Variants in NKAIN2 observed in about 807,000 individuals in gnomAD.
The protein encoded by NKAIN2 is sodium/potassium-transporting ATPase subunit beta-1-interacting protein 2.
Under a neutral mutation model 32.6 loss-of-function variants are expected in NKAIN2, and 14 were observed. The observed-to-expected ratio is 0.43, with a 90% confidence interval of 0.28 to 0.67. The LOEUF (loss-of-function observed/expected upper bound fraction) is 0.67, where lower values mean the gene tolerates loss of function less well. Ranked by LOEUF, NKAIN2 falls within the 30% of genes least tolerant of loss-of-function variation. The probability of loss-of-function intolerance (pLI) is 0.17; values close to 1 mark genes in which losing one functional copy is unlikely to be tolerated. For missense variants in NKAIN2, 198 were observed against 258.3 expected, an observed-to-expected ratio of 0.77 and a Z score of 1.60; for synonymous variants, 80 against 87.2, an observed-to-expected ratio of 0.92 and a Z score of 0.46.
chr6:124,157,630 T>G (rs1028086927), intron 1 of NKAIN2, among the ~76,000 whole-genome samples: 2 of 152,206 alleles, frequency 1.3e-5, no homozygotes, highest in African/African-American at 4.8e-5. Context: ...GTATCTTATT[T>G]ACTCTATTTT....
chr6:124,503,215 C>T (rs111921791), intron 3 of NKAIN2, among the ~76,000 whole-genome samples: 8 of 151,820 alleles, frequency 5.3e-5, no homozygotes, highest in Admixed American at 1.3e-4. Context: ...AATATTTGTA[C>T]ATTATATTGA....
chr6:124,082,999 A>C (rs114755971), intron 1 of NKAIN2, among the ~76,000 whole-genome samples: 4,441 of 152,106 alleles, frequency 0.029, 200 homozygotes, highest in African/African-American at 0.098. Flanking sequence ...TCTAAAAGAC[A>C]GCTCTTTTCA....
At chr6:124,308,572 T>C (rs1307363439) in intron 2 of NKAIN2, among the ~76,000 whole-genome samples, 2 of 152,314 alleles carry the variant, frequency 1.3e-5, no homozygotes, top group East Asian at 3.9e-4. Context: ...ACAGTAAAGA[T>C]TGAAGTAAAA....
At chr6:124,319,447 TA>T (rs528420128) in intron 2 of NKAIN2, among the ~76,000 whole-genome samples, 2 of 152,106 alleles carry the variant, frequency 1.3e-5, no homozygotes, top group Non-Finnish European at 2.9e-5. Context: ...TTCAAGACTT[TA>T]AAAACATGTA....
chr6:124,114,099 G>A (rs1245756199), intron 1 of NKAIN2, among the ~76,000 whole-genome samples: 1 of 152,134 alleles, frequency 6.6e-6, no homozygotes, highest in Non-Finnish European at 1.5e-5. Context: ...TTGATTTTCA[G>A]TCTGACTAGC....
At chr6:124,438,242 T>C (rs1196036629) in intron 3 of NKAIN2, among the ~76,000 whole-genome samples, 1 of 152,084 alleles carries the variant, frequency 6.6e-6, no homozygotes, top group Non-Finnish European at 1.5e-5. Context: ...AATTTAATTT[T>C]AACTTATTTC....
intron 4 of NKAIN2, among the ~76,000 whole-genome samples, chr6:124,786,516 C>A (rs182866017): frequency 6.6e-6 from 1 of 151,998 alleles, no homozygotes; most frequent in Non-Finnish European, 1.5e-5. Context: ...CTGGGACATA[C>A]AATCATAATT....
rs142178293 is a variant in NKAIN2 at position 124,493,421 on chromosome 6, T to C, written c.273+138074T>C. 6.8e-3 allele frequency among the ~76,000 whole-genome samples: 1,036 copies of C among 151,984 alleles called. 10 individuals are homozygous for C. The highest frequency in any genetic ancestry group is 0.024 in the African/African-American group (986 of 41,478). On this transcript the variant is annotated intron_variant, in intron 3 of 6. Transcript: ENST00000368417. ...TCCTATGAATTCAGGGTAATATAAA[T>C]TGAAAATAGATTTTATCATGAACAT... is the stretch of plus-strand genomic sequence containing the variant.
chr6:124,728,109 G>A (rs1776430575), intron 4 of NKAIN2, among the ~76,000 whole-genome samples: 1 of 145,924 alleles, frequency 6.9e-6, no homozygotes, highest in African/African-American at 2.5e-5. Context: ...ATTAATAATG[G>A]GAGACTTTAA....
intron 2 of NKAIN2, among the ~76,000 whole-genome samples, chr6:124,346,842 T>G (rs2115107770): frequency 6.6e-6 from 1 of 151,918 alleles, no homozygotes; most frequent in South Asian, 2.1e-4. Flanking sequence ...ACATTTAAAG[T>G]TAATATTGTT....
chr6:124,662,070 T>C (rs977703200), intron 4 of NKAIN2, among the ~76,000 whole-genome samples: 1 of 152,146 alleles, frequency 6.6e-6, no homozygotes, highest in Non-Finnish European at 1.5e-5. Context: ...TGGGAAATAG[T>C]CTTCAATCTG....
At chr6:124,596,663 G>GGGGTGTGT (rs367602258) in intron 3 of NKAIN2, among the ~76,000 whole-genome samples, 2 of 142,602 alleles carry the variant, frequency 1.4e-5, no homozygotes, top group African/African-American at 2.6e-5. Context: ...TAAACCATAG[G>GGGGTGTGT]GTGTGTGTGT....
intron 1 of NKAIN2, among the ~76,000 whole-genome samples, chr6:123,902,370 A>G (rs532007381): frequency 8.4e-4 from 128 of 152,272 alleles, no homozygotes; most frequent in Non-Finnish European, 5.4e-4. Context: ...AAAATAAAAA[A>G]GGCTAAAAAA....
chr6:123,904,264 A>G (rs1203377878), intron 1 of NKAIN2, among the ~76,000 whole-genome samples: 3 of 152,176 alleles, frequency 2.0e-5, no homozygotes, highest in African/African-American at 7.2e-5. Context: ...AAAAAAAGAA[A>G]TGACCAATTA....
intron 2 of NKAIN2, among the ~76,000 whole-genome samples, chr6:124,307,110 T>C (rs2114991274): frequency 6.6e-6 from 1 of 152,094 alleles, no homozygotes; most frequent in East Asian, 1.9e-4. Context: ...TACAAGAAAA[T>C]TGTTTTTCTG....
chr6:123,947,908 C>G (rs1011636939), intron 1 of NKAIN2, among the ~76,000 whole-genome samples: 20 of 151,374 alleles, frequency 1.3e-4, no homozygotes, highest in African/African-American at 4.6e-4. Flanking sequence ...ATAATTCTCA[C>G]AAGCTCTCAC....
At chr6:123,997,116 G>T (rs1462665524) in intron 1 of NKAIN2, among the ~76,000 whole-genome samples, 3 of 152,146 alleles carry the variant, frequency 2.0e-5, no homozygotes, top group African/African-American at 7.2e-5. Context: ...CATGTCAGTA[G>T]ATCTAGTACA....
At chr6:124,627,263 C>T (rs117210168) in intron 3 of NKAIN2, among the ~76,000 whole-genome samples, 3,463 of 151,570 alleles carry the variant, frequency 0.023, 51 homozygotes, top group Non-Finnish European at 0.037. Flanking sequence ...GAGCAAGACA[C>T]GGTCTCAAAA....
intron 4 of NKAIN2, among the ~76,000 whole-genome samples, chr6:124,753,192 TG>T (rs1562363973): frequency 6.6e-6 from 1 of 152,118 alleles, no homozygotes. Flanking sequence ...TGTACCAAAA[TG>T]GGCTTTAAAA....
Sources: gnomAD v4.1 joint callset for allele counts (sites outside exome capture counted in the v4.1 genomes callset) on GRCh38, gnomAD v4.1.1 for gene constraint, MANE v1.5 for transcripts, NCBI Gene and HGNC (gene_info 2026-07-23, HGNC 2026-07-21) for gene names.